KYAT3: variants seen among roughly 807,000 people sequenced by gnomAD.
KYAT3 encodes kynurenine--oxoglutarate transaminase 3.
A neutral mutation model predicts 59.0 loss-of-function variants in KYAT3; 50 were observed. The observed-to-expected ratio is 0.85, with a 90% CI of 0.68 to 1.07. KYAT3 has a LOEUF of 1.07. KYAT3 is among the 50% of genes least tolerant of loss of function. KYAT3 has a pLI of 0.00. For missense variants in KYAT3, 497 were observed against 533.3 expected (o/e 0.93, Z 0.67); for synonymous variants, 148 against 177.0 (o/e 0.84, Z 1.30).
At chr1:88,953,931 T>C (rs138423889) in intron 9 of KYAT3, among the ~76,000 whole-genome samples, 41 of 151,682 alleles carry the variant, frequency 2.7e-4, no homozygotes, top group African/African-American at 9.9e-4. Context: ...AGACGGAGTT[T>C]TGCTCTTGTT....
the KYAT3 span, among the ~76,000 whole-genome samples, chr1:88,921,225 C>T: frequency 6.6e-6 from 1 of 152,180 alleles, no homozygotes; most frequent in Non-Finnish European, 1.5e-5. Context: ...ACCTCCAGGC[C>T]TCGCTTCTAC....
chr1:88,935,775 C>A (rs777437272), downstream of KYAT3: 5 of 384,186 alleles, frequency 1.3e-5, no homozygotes, highest in Non-Finnish European at 1.8e-5. Context: ...AACATGAAAC[C>A]GGCTAAAGTC....
chr1:88,987,357 G>A (rs1677523992), intron 2 of KYAT3, among the ~76,000 whole-genome samples: 1 of 152,060 alleles, frequency 6.6e-6, no homozygotes, highest in Non-Finnish European at 1.5e-5. Context: ...AAAGAGGAGA[G>A]AATTCAAGAC....
rs368661720 is a variant in KYAT3, at chr1:88,959,724, G to T, written c.787+1443C>A. On this transcript the variant is annotated intron_variant, in intron 8 of 13. Coordinates refer to ENST00000260508, the MANE Select transcript of KYAT3 (RefSeq NM_001008661.3). ...TGCTAGTTTATGTTTTAGGAGTTTA[G>T]TTTCTATTTCTCTGTTTAGCTAATT... Among the ~76,000 whole-genome samples, 18 of 151,584 alleles carry T rather than the reference G, an allele frequency of 1.2e-4. No individual in the cohort carries two copies. In the East Asian group the frequency reaches 2.9e-3, roughly 25 times the overall value.
intron 2 of KYAT3, 122 bp from the exon 3 acceptor site, chr1:88,969,589 A>T: frequency 1.6e-6 from 1 of 615,704 alleles, no homozygotes; most frequent in East Asian, 2.9e-5. Flanking sequence ...CCATAAAGAT[A>T]AATCTTAGAC....
At chr1:88,941,077 A>G (rs1030501350) in intron 13 of KYAT3, among the ~76,000 whole-genome samples, 3 of 152,230 alleles carry the variant, frequency 2.0e-5, no homozygotes, top group East Asian at 3.8e-4. Context: ...TACCATTTTA[A>G]AACTGGAAGT....
At chr1:88,962,205 G>C in intron 5 of KYAT3, 60 bp from the exon 6 acceptor site, 1 of 1,217,402 alleles carries the variant, frequency 8.2e-7, no homozygotes, top group South Asian at 1.2e-5. Context: ...TAATAATACT[G>C]TGTACCTACT....
chr1:88,952,572 C>T (rs1274993022), intron 10 of KYAT3, among the ~76,000 whole-genome samples: 3 of 152,196 alleles, frequency 2.0e-5, no homozygotes, highest in Admixed American at 6.5e-5. Flanking sequence ...CCCTCTTTGC[C>T]TTCCACCATT....
At chr1:88,967,216 G>A (rs1364761306) in intron 4 of KYAT3, among the ~76,000 whole-genome samples, 1 of 151,512 alleles carries the variant, frequency 6.6e-6, no homozygotes, top group Non-Finnish European at 1.5e-5. Context: ...TTGTATCAGG[G>A]TAATGCTGAA....
rs189437389 is a variant in KYAT3 at position 88,978,130 on chromosome 1, A to T, written c.100-8663T>A. On this transcript the variant is annotated intron_variant, in intron 2 of 13. Transcript: ENST00000260508. Reference sequence around the variant, plus strand: ...ACACATGTATGTATATGTTATGTATATTTTGATGTTCCAACCATCACAGTG... The same window carrying T: ...ACACATGTATGTATATGTTATGTATTTTTTGATGTTCCAACCATCACAGTG... 2.6e-4 allele frequency among the ~76,000 whole-genome samples: 39 copies of T among 152,290 alleles called. No homozygotes were observed. The East Asian group carries it at 6.2e-3, about 24-fold the overall frequency.
At chr1:88,973,673 T>G (rs969198953) in intron 2 of KYAT3, among the ~76,000 whole-genome samples, 1 of 152,216 alleles carries the variant, frequency 6.6e-6, no homozygotes, top group African/African-American at 2.4e-5. Flanking sequence ...ACCTTACTTA[T>G]GCTCACTTGA....
intron 8 of KYAT3, among the ~76,000 whole-genome samples, chr1:88,956,907 A>G (rs1486396722): frequency 6.6e-6 from 1 of 152,202 alleles, no homozygotes; most frequent in East Asian, 1.9e-4. Context: ...CATGCAACCC[A>G]CAAGTTTTTC....
chr1:88,922,754 T>C, the KYAT3 span, among the ~76,000 whole-genome samples: 1 of 152,206 alleles, frequency 6.6e-6, no homozygotes, highest in Non-Finnish European at 1.5e-5. Context: ...CTCCCATCTT[T>C]ATTCTGACCC....
At chr1:88,932,878 A>G (rs372864891), downstream of KYAT3, among the ~76,000 whole-genome samples, 4 of 152,146 alleles carry the variant, frequency 2.6e-5, no homozygotes, top group African/African-American at 9.7e-5. Context: ...AAGTCCTTGA[A>G]GTCCTATGTT....
At chr1:88,948,330 C>T (rs1405381540) in intron 11 of KYAT3, among the ~76,000 whole-genome samples, 1 of 152,088 alleles carries the variant, frequency 6.6e-6, no homozygotes, top group Admixed American at 6.6e-5. Flanking sequence ...TTTAGAATGG[C>T]TGTAATTTCT....
At chr1:88,965,472 T>C (rs1676312893) in intron 4 of KYAT3, among the ~76,000 whole-genome samples, 1 of 152,148 alleles carries the variant, frequency 6.6e-6, no homozygotes, top group Non-Finnish European at 1.5e-5. Flanking sequence ...GTTGATGTGA[T>C]AGCAAATGTT....
rs148441526 is a variant in KYAT3 at position 88,947,091 on chromosome 1, C to T, written c.1141+2000G>A. ...TCTGCCTGAGACAACCACCTCCTGG[C>T]GAGCACCTCACTGTGGTACAGCTAG... On this transcript the variant is annotated intron_variant, in intron 11 of 13. Transcript: ENST00000260508. 3.3e-4 allele frequency among the ~76,000 whole-genome samples: 50 copies of T among 152,262 alleles called. No homozygotes were observed. In the East Asian group the frequency reaches 8.5e-3, roughly 26 times the overall value.
chr1:88,932,148 T>C (rs147214099), downstream of KYAT3, among the ~76,000 whole-genome samples: 218 of 152,328 alleles, frequency 1.4e-3, 3 homozygotes, highest in East Asian at 0.041. Flanking sequence ...TACAGAATAC[T>C]GTCTACTGAG....
At chr1:88,984,932 A>C (rs1160165509) in intron 2 of KYAT3, among the ~76,000 whole-genome samples, 1 of 152,230 alleles carries the variant, frequency 6.6e-6, no homozygotes, top group Admixed American at 6.5e-5. Context: ...ACTGGTTATA[A>C]CTTCTGTCTG....
Sources: allele counts gnomAD v4.1 joint callset (sites outside exome capture counted in the v4.1 genomes callset), GRCh38; gene constraint gnomAD v4.1.1; transcripts MANE v1.5; gene names NCBI Gene and HGNC (gene_info 2026-07-23, HGNC 2026-07-21).